The following THRAP3 variants were observed in gnomAD, a reference collection of about 807,000 sequenced individuals.
THRAP3 encodes thyroid hormone receptor-associated protein 3.
In THRAP3, 16 loss-of-function variants were observed where a neutral mutation model predicts 101.0. The ratio of observed to expected loss-of-function variants is 0.16; its 90% CI spans 0.11 to 0.24. THRAP3 has a LOEUF of 0.24. Ranked by LOEUF, THRAP3 falls within the 10% of genes least tolerant of loss-of-function variation. THRAP3 has a pLI of 1.00. For missense variants in THRAP3, 989 were observed against 1,202.7 expected (o/e 0.82, Z 2.63); for synonymous variants, 407 against 422.6 (o/e 0.96, Z 0.45).
chr1:36,278,318 G>A (rs1196099731), intron 2 of THRAP3, among the ~76,000 whole-genome samples: 1 of 151,998 alleles, frequency 6.6e-6, no homozygotes, highest in African/African-American at 2.4e-5. Flanking sequence ...TGCCTGCCTC[G>A]GCCTCCCAAA....
chr1:36,299,209 G>T (rs1645998348), intron 9 of THRAP3, among the ~76,000 whole-genome samples: 1 of 152,106 alleles, frequency 6.6e-6, no homozygotes, highest in South Asian at 2.1e-4. Context: ...GGGAGGCTGA[G>T]GTGGGTGGAG....
intron 8 of THRAP3, among the ~76,000 whole-genome samples, chr1:36,296,327 A>G (rs1239069929): frequency 6.6e-6 from 1 of 152,174 alleles, no homozygotes; most frequent in African/African-American, 2.4e-5. Context: ...GAAAGGAAAC[A>G]AAGTGAGATC....
chr1:36,291,330 T>C (rs545701516), intron 5 of THRAP3, 44 bp from the exon 6 acceptor site: 12 of 1,578,446 alleles, frequency 7.6e-6, no homozygotes, highest in Non-Finnish European at 1.0e-5. Flanking sequence ...ATGTTCTTCC[T>C]GTGTATTGTG....
intron 5 of THRAP3, 78 bp downstream of exon 5, chr1:36,289,842 T>G (rs1340140097): frequency 6.7e-7 from 1 of 1,496,096 alleles, no homozygotes; most frequent in African/African-American, 1.4e-5. Flanking sequence ...CTGGGGACAT[T>G]CTGCTGTATT....
At chr1:36,285,873 G>T (rs1010097844) in intron 3 of THRAP3, among the ~76,000 whole-genome samples, 1 of 152,066 alleles carries the variant, frequency 6.6e-6, no homozygotes. Context: ...AGTTCATCCC[G>T]CACAAGGGGG....
chr1:36,305,016 C>A lies in THRAP3; in HGVS notation c.*999C>A. On this transcript the variant is annotated 3_prime_UTR_variant, in exon 12 of 12. Transcript: ENST00000354618. ...TTTTTTTGGGTTTCTTTTTTTTTTT[C>A]TTTGTCTTTTTAACCTTAAGCTGTT... 1 of 185,464 alleles carries A rather than the reference C, an allele frequency of 5.4e-6. No homozygotes were observed. Among genetic ancestry groups the A allele is most frequent in the Non-Finnish European group, 1.1e-5 (1 of 91,638 alleles). 11.5% of individuals were successfully genotyped at this position (185,464 alleles called of 1,614,324 possible). A position where few individuals can be genotyped will look rare whatever the true frequency, so the allele number is the denominator to read the frequency against.
At chr1:36,226,457 A>G (rs1019603944) in intron 1 of THRAP3, among the ~76,000 whole-genome samples, 5 of 152,064 alleles carry the variant, frequency 3.3e-5, no homozygotes, top group Non-Finnish European at 7.4e-5. Context: ...ACGGGGTTTC[A>G]CCATGTTGGC....
intron 2 of THRAP3, among the ~76,000 whole-genome samples, chr1:36,273,642 T>G (rs1196034124): frequency 1.3e-5 from 2 of 152,174 alleles, no homozygotes; most frequent in Non-Finnish European, 2.9e-5. Context: ...TAAAATCATC[T>G]CTTTTTGCAG....
chr1:36,293,091 C>T (rs917154177), intron 7 of THRAP3, among the ~76,000 whole-genome samples: 3 of 127,018 alleles, frequency 2.4e-5, no homozygotes, highest in Admixed American at 1.0e-4. Context: ...TGCAGTGATG[C>T]AATCTCGGCT....
chr1:36,282,667 G>A lies in THRAP3; in HGVS notation c.104G>A (p.Arg35Gln), dbSNP rs761639875. The part of the protein sequence containing the change: ...RSFSKSRSRS[R>Q]SLSRSRKRRL... ...TTTTCGAAGTCTCGGTCCCGAAGCC[G>A]ATCTCTCTCTCGTTCAAGGAAGCGC... is the stretch of plus-strand genomic sequence containing the variant. The change falls in exon 3 of 12, where the codon CGA becomes CAA. Residue 35 changes from arginine to glutamine, a missense_variant. Physicochemically the swap from Arg to Gln is conservative, Grantham distance 43. Coordinates refer to ENST00000354618, the MANE Select transcript of THRAP3 (RefSeq NM_005119.4). The A allele has an allele frequency of 1.4e-5, 22 of 1,614,128 alleles. No homozygotes were observed. The highest frequency in any genetic ancestry group is 2.2e-5 in the East Asian group (1 of 44,884).
intron 3 of THRAP3, among the ~76,000 whole-genome samples, chr1:36,283,249 T>A (rs1269835721): frequency 1.3e-5 from 2 of 152,264 alleles, no homozygotes; most frequent in East Asian, 3.8e-4. Context: ...AACATCACTT[T>A]ATCTTACTGA....
At position 36,288,035 on chromosome 1, in the gene THRAP3, C is replaced by T. The variant is rs1645817990; in HGVS notation, c.1040+765C>T. 3.1e-6 allele frequency: 3 copies of T among 957,868 alleles called. No individual in the cohort carries two copies. In the South Asian group the frequency reaches 1.5e-4, roughly 46 times the overall value. 59.3% of individuals were successfully genotyped at this position (957,868 alleles called of 1,614,324 possible). ...ATCGTATTTAGCATGTTTTTTGATC[C>T]CTTGATTCTTCTTGGCTGTATTAAC... On this transcript the variant is annotated intron_variant, in intron 4 of 11. Transcript: ENST00000354618.
At chr1:36,289,874 A>C in intron 5 of THRAP3, 110 bp downstream of exon 5, 1 of 1,409,024 alleles carries the variant, frequency 7.1e-7, no homozygotes, top group South Asian at 1.5e-5. Context: ...CTTAAGCTTC[A>C]GTGGTGATAC....
rs55662646 is a variant in THRAP3, at chr1:36,262,959, ATT to A, written c.-32+3498_-32+3499del. ...AGGCGCCCGCCACCAGGGCCGGCTA[ATT>A]TTTTTTTTTTTTTTTTTTTTTTGTA... On this transcript the variant is annotated intron_variant, in intron 2 of 11. Transcript: ENST00000354618. Among the ~76,000 whole-genome samples, 545 of 104,344 alleles carry A rather than the reference ATT, an allele frequency of 5.2e-3. 1 individual carries two copies. The highest frequency in any genetic ancestry group is 0.019 in the African/African-American group (529 of 27,462). The allele number at this position is 104,344 out of a possible 152,430, so 68.5% of individuals were successfully genotyped here. A position where few individuals can be genotyped will look rare whatever the true frequency, so the allele number is the denominator to read the frequency against.
chr1:36,233,781 A>G (rs1645055482), intron 1 of THRAP3, among the ~76,000 whole-genome samples: 1 of 152,124 alleles, frequency 6.6e-6, no homozygotes, highest in Admixed American at 6.6e-5. Context: ...AATAAAAAAT[A>G]AAATAAAAAT....
chr1:36,227,249 A>G (rs1366595020), intron 1 of THRAP3, among the ~76,000 whole-genome samples: 2 of 152,148 alleles, frequency 1.3e-5, no homozygotes, highest in South Asian at 2.1e-4. Context: ...TCTCTCTTTA[A>G]TATGTATAGA....
chr1:36,215,744 G>T, the THRAP3 span, among the ~76,000 whole-genome samples: 6 of 151,548 alleles, frequency 4.0e-5, no homozygotes, highest in African/African-American at 1.5e-4. Context: ...GTCACAAAAA[G>T]AATATTTTCT....
At chr1:36,266,558 TAATTC>T (rs1020527304) in intron 2 of THRAP3, among the ~76,000 whole-genome samples, 4 of 152,186 alleles carry the variant, frequency 2.6e-5, no homozygotes, top group Non-Finnish European at 4.4e-5. Flanking sequence ...GAGCAGAAAC[TAATTC>T]ACTCGCTGAA....
chr1:36,291,353 C>A (rs1008067359), intron 5 of THRAP3, 21 bp from the exon 6 acceptor site: 1 of 1,609,888 alleles, frequency 6.2e-7, no homozygotes. Context: ...CTAATTGGGC[C>A]TCCCCATATT....
Sources: gnomAD v4.1 joint callset for allele counts (sites outside exome capture counted in the v4.1 genomes callset) on GRCh38, gnomAD v4.1.1 for gene constraint, MANE v1.5 for transcripts, NCBI Gene and HGNC (gene_info 2026-07-23, HGNC 2026-07-21) for gene names.